The following DPP10 variants were observed in gnomAD, a reference collection of about 807,000 sequenced individuals.
DPP10 encodes the protein dipeptidyl peptidase like 10, also known as inactive dipeptidyl peptidase 10.
A neutral mutation model predicts 120.9 loss-of-function variants in DPP10; 33 were observed. The ratio of observed to expected loss-of-function variants is 0.27; its 90% CI spans 0.21 to 0.37. DPP10 has a LOEUF of 0.37. DPP10 is among the 10% of genes least tolerant of loss of function. The pLI is 1.00. For synonymous variants in DPP10, 337 were observed against 326.1 expected (o/e 1.03, Z -0.36); for missense variants, 816 against 942.8 (o/e 0.87, Z 1.76).
chr2:115,412,966 A>G (rs1421864233), intron 3 of DPP10, among the ~76,000 whole-genome samples: 1 of 152,090 alleles, frequency 6.6e-6, no homozygotes, highest in Non-Finnish European at 1.5e-5. Flanking sequence ...TATATTTGTA[A>G]TTCCCCTTTA....
intron 1 of DPP10, among the ~76,000 whole-genome samples, chr2:114,942,293 A>G (rs1696968182): frequency 7.7e-6 from 1 of 130,408 alleles, no homozygotes; most frequent in Admixed American, 8.0e-5. Flanking sequence ...ATGTGTATAT[A>G]TATACATATA....
chr2:115,522,575 T>G (rs1365779510), intron 4 of DPP10, among the ~76,000 whole-genome samples: 1 of 152,236 alleles, frequency 6.6e-6, no homozygotes, highest in Non-Finnish European at 1.5e-5. Context: ...TTAATTCATC[T>G]AGTTAATCAC....
At chr2:115,827,965 T>A (rs916238596) in intron 21 of DPP10, among the ~76,000 whole-genome samples, 4 of 152,160 alleles carry the variant, frequency 2.6e-5, no homozygotes, top group African/African-American at 9.6e-5. Context: ...CCCAGGTGAC[T>A]ACCAATTCCA....
At chr2:114,673,273 C>T (rs907356762) in intron 1 of DPP10, among the ~76,000 whole-genome samples, 1 of 151,976 alleles carries the variant, frequency 6.6e-6, no homozygotes, top group Non-Finnish European at 1.5e-5. Context: ...CTAAGACGAG[C>T]GAATAGTTTC....
intron 3 of DPP10, among the ~76,000 whole-genome samples, chr2:115,479,553 T>C (rs965831126): frequency 7.2e-5 from 11 of 152,110 alleles, no homozygotes; most frequent in African/African-American, 2.2e-4. Context: ...ATGGTTAGTA[T>C]GGTATATGAT....
chr2:115,417,051 T>A (rs1194318572), intron 3 of DPP10, among the ~76,000 whole-genome samples: 1 of 152,164 alleles, frequency 6.6e-6, no homozygotes, highest in African/African-American at 2.4e-5. Flanking sequence ...ATTCTGTTAT[T>A]TCTATTCATG....
intron 1 of DPP10, among the ~76,000 whole-genome samples, chr2:114,914,372 CT>C (rs1694616614): frequency 6.6e-6 from 1 of 152,322 alleles, no homozygotes; most frequent in South Asian, 2.1e-4. Context: ...TTAGCAGAAA[CT>C]TTAGAAACTA....
In DPP10 at chr2:115,571,842, A is replaced by G. The variant is rs562088254; in HGVS notation, c.441+45870A>G. On this transcript the variant is annotated intron_variant, in intron 5 of 25. Transcript: ENST00000410059. Reference sequence around the variant, plus strand: ...CATTTTTATTATACTTTCCTCCAATATCTTGTGTGTGTGTGTGTGTGTGTG... The same window carrying G: ...CATTTTTATTATACTTTCCTCCAATGTCTTGTGTGTGTGTGTGTGTGTGTG... Among the ~76,000 whole-genome samples the G allele has an allele frequency of 1.6e-3, 228 of 138,228 alleles. 1 individual carries two copies. The highest frequency in any genetic ancestry group is 5.8e-3 in the African/African-American group (208 of 35,760). 90.7% of individuals were successfully genotyped at this position (138,228 alleles called of 152,430 possible).
At position 115,030,920 on chromosome 2, in the gene DPP10, T is replaced by C. The variant is rs114344763; in HGVS notation, c.61-278319T>C. ...TGACCCATTACTGGGTATATACCCA[T>C]AGAATGTAAGGAATTATTTTCTAAT... On this transcript the variant is annotated intron_variant, in intron 1 of 25. Transcript: ENST00000410059. 9.2e-3 allele frequency among the ~76,000 whole-genome samples: 1,404 copies of C among 152,288 alleles called. 26 individuals carry two copies. The highest frequency in any genetic ancestry group is 0.032 in the African/African-American group (1,338 of 41,572).
At chr2:114,932,648 G>T (rs1696165148) in intron 1 of DPP10, among the ~76,000 whole-genome samples, 1 of 152,252 alleles carries the variant, frequency 6.6e-6, no homozygotes, top group Non-Finnish European at 1.5e-5. Context: ...AACTGGGGTT[G>T]GGATGGGTGG....
chr2:114,685,284 C>A (rs1265643200), intron 1 of DPP10, among the ~76,000 whole-genome samples: 1 of 151,918 alleles, frequency 6.6e-6, no homozygotes, highest in Non-Finnish European at 1.5e-5. Flanking sequence ...CAACAAACAA[C>A]AAGATTTGAA....
intron 22 of DPP10, 102 bp downstream of exon 22, chr2:115,836,358 T>C: frequency 7.3e-7 from 1 of 1,370,972 alleles, no homozygotes; most frequent in Non-Finnish European, 1.0e-6. Flanking sequence ...CATATGTTAT[T>C]AGAGCCTGTT....
chr2:114,987,809 T>TTTTTTTTTTTTTA (rs934618390), intron 1 of DPP10, among the ~76,000 whole-genome samples: 9 of 129,220 alleles, frequency 7.0e-5, no homozygotes, highest in African/African-American at 2.6e-4. Context: ...ACTGTCTTTT[T>TTTTTTTTTTTTTA]TTTTTTTATT....
At chr2:114,712,131 C>A (rs904049294) in intron 1 of DPP10, among the ~76,000 whole-genome samples, 1 of 151,938 alleles carries the variant, frequency 6.6e-6, no homozygotes, top group African/African-American at 2.4e-5. Context: ...AACAGCCTAG[C>A]CAACATGGTG....
chr2:114,965,988 G>GA (rs986483217), intron 1 of DPP10, among the ~76,000 whole-genome samples: 4 of 99,984 alleles, frequency 4.0e-5, no homozygotes, highest in Non-Finnish European at 8.6e-5. Flanking sequence ...AAAAAAAAAA[G>GA]AAAAAAAAAG....
At chr2:115,395,801 C>T (rs1463289562) in intron 3 of DPP10, among the ~76,000 whole-genome samples, 2 of 151,732 alleles carry the variant, frequency 1.3e-5, no homozygotes, top group Non-Finnish European at 2.9e-5. Context: ...GCTCGATTGT[C>T]TCCCCATCTA....
chr2:114,526,871 G>A (rs1685544423), intron 1 of DPP10, among the ~76,000 whole-genome samples: 1 of 152,146 alleles, frequency 6.6e-6, no homozygotes, highest in Admixed American at 6.5e-5. Context: ...CAAATATTTA[G>A]TTAATTACAT....
chr2:115,357,679 G>T (rs911557050), intron 3 of DPP10, among the ~76,000 whole-genome samples: 1 of 152,162 alleles, frequency 6.6e-6, no homozygotes, highest in African/African-American at 2.4e-5. Flanking sequence ...CTATGTGGGG[G>T]CTCCTACTCC....
At chr2:115,111,002 G>A (rs935749612) in intron 1 of DPP10, among the ~76,000 whole-genome samples, 4 of 152,006 alleles carry the variant, frequency 2.6e-5, no homozygotes, top group African/African-American at 4.8e-5. Context: ...CAATAAAAAC[G>A]ACATTTATGA....
Sources: gnomAD v4.1 joint callset for allele counts (sites outside exome capture counted in the v4.1 genomes callset) on GRCh38, gnomAD v4.1.1 for gene constraint, MANE v1.5 for transcripts, NCBI Gene and HGNC (gene_info 2026-07-23, HGNC 2026-07-21) for gene names.